SEMA3E: variants seen among roughly 807,000 people sequenced by gnomAD.
The protein encoded by SEMA3E is semaphorin-3E.
In SEMA3E, 49 loss-of-function variants were observed where a neutral mutation model predicts 93.6. That is an observed-to-expected ratio of 0.52 (90% confidence interval 0.42 to 0.66). The LOEUF (loss-of-function observed/expected upper bound fraction) is 0.66. SEMA3E is among the 30% of genes least tolerant of loss of function. The probability of loss-of-function intolerance (pLI) is 0.00; values close to 1 mark genes in which losing one functional copy is unlikely to be tolerated. For synonymous variants in SEMA3E, 363 were observed against 330.7 expected (o/e 1.10, Z -1.06); for missense variants, 906 against 964.8 (o/e 0.94, Z 0.81).
chr7:83,476,569 G>C (rs913407418), intron 2 of SEMA3E, among the ~76,000 whole-genome samples: 3 of 152,130 alleles, frequency 2.0e-5, no homozygotes, highest in African/African-American at 7.2e-5. Flanking sequence ...CAGTTTAATA[G>C]GCTCAGGACT....
rs570306115 is a variant in SEMA3E, at chr7:83,525,254, G to A, written c.116-34980C>T. Among the ~76,000 whole-genome samples, 22 of 152,036 alleles carry A rather than the reference G, an allele frequency of 1.4e-4. No homozygotes were observed. The South Asian group carries it at 2.3e-3, about 16-fold the overall frequency. ...AGCAATATTAATCCCTGAAAATTAC[G>A]TAACCTGTTTTTTCATTTTAATTTT... On this transcript the variant is annotated intron_variant, in intron 1 of 16. Coordinates refer to ENST00000643230, the MANE Select transcript of SEMA3E (RefSeq NM_012431.3).
At chr7:83,527,378 T>C (rs1791183117) in intron 1 of SEMA3E, among the ~76,000 whole-genome samples, 1 of 152,204 alleles carries the variant, frequency 6.6e-6, no homozygotes, top group East Asian at 1.9e-4. Context: ...TCCCAAGGCT[T>C]TACTCATTCC....
chr7:83,538,500 C>G (rs1335740296), intron 1 of SEMA3E, among the ~76,000 whole-genome samples: 1 of 152,134 alleles, frequency 6.6e-6, no homozygotes, highest in African/African-American at 2.4e-5. Context: ...GGAGTGTCTA[C>G]TGAGAATTCT....
At chr7:83,437,816 A>G (rs141800701) in intron 4 of SEMA3E, among the ~76,000 whole-genome samples, 8 of 152,308 alleles carry the variant, frequency 5.3e-5, no homozygotes, top group African/African-American at 2.4e-5. Context: ...TTTTCATTCT[A>G]GAAAGCAAGG....
At chr7:83,597,155 C>T (rs561092720) in intron 1 of SEMA3E, among the ~76,000 whole-genome samples, 102 of 152,098 alleles carry the variant, frequency 6.7e-4, no homozygotes, top group Non-Finnish European at 1.2e-3. Flanking sequence ...TGGAAAGGGA[C>T]ATATCCACAT....
chr7:83,411,660 A>G (rs908009820), intron 5 of SEMA3E, among the ~76,000 whole-genome samples: 12 of 152,090 alleles, frequency 7.9e-5, no homozygotes, highest in Non-Finnish European at 1.8e-4. Context: ...TTTTAATACA[A>G]TTTGTAGGAA....
intron 1 of SEMA3E, among the ~76,000 whole-genome samples, chr7:83,620,755 C>G (rs42014): frequency 0.29 from 43,516 of 151,946 alleles, 6,828 homozygotes; most frequent in South Asian, 0.35. Flanking sequence ...ATATGATTTT[C>G]TCAATAGACA....
intron 5 of SEMA3E, among the ~76,000 whole-genome samples, chr7:83,412,777 AAC>A (rs1475677021): frequency 2.7e-5 from 4 of 149,890 alleles, no homozygotes; most frequent in African/African-American, 4.9e-5. Flanking sequence ...AAAAAAAAAA[AAC>A]ACACAGGATA....
intron 1 of SEMA3E, among the ~76,000 whole-genome samples, chr7:83,555,747 A>G (rs1189304486): frequency 1.3e-5 from 2 of 152,150 alleles, no homozygotes; most frequent in East Asian, 1.9e-4. Flanking sequence ...TTTTTCTCTG[A>G]ACATACTAAT....
At chr7:83,381,872 T>C (rs1340514444) in intron 16 of SEMA3E, among the ~76,000 whole-genome samples, 4 of 152,050 alleles carry the variant, frequency 2.6e-5, no homozygotes, top group African/African-American at 9.6e-5. Flanking sequence ...ATGTCTATAT[T>C]GTGTATGTTG....
intron 16 of SEMA3E, among the ~76,000 whole-genome samples, chr7:83,375,395 A>C (rs1265114355): frequency 6.6e-6 from 1 of 152,112 alleles, no homozygotes; most frequent in African/African-American, 2.4e-5. Context: ...CACCATAATA[A>C]ATACATTTCC....
At chr7:83,596,373 G>T (rs368577245) in intron 1 of SEMA3E, among the ~76,000 whole-genome samples, 1 of 151,910 alleles carries the variant, frequency 6.6e-6, no homozygotes, top group East Asian at 1.9e-4. Context: ...TTCTTTTAAC[G>T]GAGAACGATA....
At chr7:83,397,301 AT>A (rs1447103415) in intron 11 of SEMA3E, among the ~76,000 whole-genome samples, 1 of 152,110 alleles carries the variant, frequency 6.6e-6, no homozygotes, top group Non-Finnish European at 1.5e-5. Flanking sequence ...AAAAATCAAA[AT>A]GTCTTTTGGA....
intron 2 of SEMA3E, among the ~76,000 whole-genome samples, chr7:83,485,269 A>G (rs1790229139): frequency 6.6e-6 from 1 of 152,252 alleles, no homozygotes; most frequent in Admixed American, 6.5e-5. Context: ...AATAGCTTAT[A>G]CATACTGCTA....
intron 4 of SEMA3E, among the ~76,000 whole-genome samples, chr7:83,443,916 G>GATATATATATATATATAT (rs60405752): frequency 3.4e-5 from 5 of 147,382 alleles, no homozygotes; most frequent in African/African-American, 1.2e-4. Flanking sequence ...ATAATGACCT[G>GATATATATATATATATAT]ATATATATAT....
chr7:83,643,853 C>G (rs543203000), intron 1 of SEMA3E, among the ~76,000 whole-genome samples: 1 of 152,012 alleles, frequency 6.6e-6, no homozygotes, highest in East Asian at 1.9e-4. Context: ...CCTCCTGGGT[C>G]CTATTTAATC....
chr7:83,516,703 T>C (rs1349010271), intron 1 of SEMA3E, among the ~76,000 whole-genome samples: 2 of 152,122 alleles, frequency 1.3e-5, no homozygotes, highest in Non-Finnish European at 2.9e-5. Flanking sequence ...TTTCAGCACA[T>C]GTTAATATTC....
intron 1 of SEMA3E, among the ~76,000 whole-genome samples, chr7:83,617,934 T>C (rs527993818): frequency 6.6e-6 from 1 of 152,174 alleles, no homozygotes; most frequent in Non-Finnish European, 1.5e-5. Flanking sequence ...GTCTTATCAA[T>C]ACACATTCAC....
At chr7:83,606,110 G>A (rs1793112153) in intron 1 of SEMA3E, among the ~76,000 whole-genome samples, 2 of 152,140 alleles carry the variant, frequency 1.3e-5, no homozygotes, top group Non-Finnish European at 1.5e-5. Flanking sequence ...TCAGCATTCA[G>A]CATCCTGCTG....
Sources: gnomAD v4.1 joint callset for allele counts (sites outside exome capture counted in the v4.1 genomes callset) on GRCh38, gnomAD v4.1.1 for gene constraint, MANE v1.5 for transcripts, NCBI Gene and HGNC (gene_info 2026-07-23, HGNC 2026-07-21) for gene names.